THEMIS: variants seen among roughly 807,000 people sequenced by gnomAD.
THEMIS encodes the protein thymocyte selection associated.
In THEMIS, 37 loss-of-function variants were observed where a neutral mutation model predicts 52.6. That is an observed-to-expected ratio of 0.70 (90% CI 0.54 to 0.93). The LOEUF (loss-of-function observed/expected upper bound fraction) is 0.93, where lower values mean the gene tolerates loss of function less well. THEMIS is among the 40% of genes least tolerant of loss of function. THEMIS has a pLI of 0.00. For missense variants in THEMIS, 808 were observed against 763.1 expected, an observed-to-expected ratio of 1.06 and a Z score of -0.69; for synonymous variants, 292 against 272.7, an observed-to-expected ratio of 1.07 and a Z score of -0.70.
intron 4 of THEMIS, among the ~76,000 whole-genome samples, chr6:127,769,297 C>T (rs1296883200): frequency 3.3e-5 from 5 of 150,786 alleles, no homozygotes; most frequent in Admixed American, 3.3e-4. Flanking sequence ...TTGCATTAAA[C>T]TTCTAAGATT....
chr6:127,869,528 C>T (rs961330386), intron 1 of THEMIS, among the ~76,000 whole-genome samples: 15 of 152,166 alleles, frequency 9.9e-5, no homozygotes, highest in Admixed American at 5.9e-4. Flanking sequence ...TTTGCACCAT[C>T]GTAAATCAAA....
rs757984365 is a variant in THEMIS at position 127,813,189 on chromosome 6, GTCCT to G, written c.1448_1451del (p.Glu483AlafsTer9). Reference sequence around the variant, plus strand: ...TTATGAGTAGGTAAGAGTCTGTAATGTCCTCCTCCAACTGCAGTCCTGGTGTGGC... The same window carrying G: ...TTATGAGTAGGTAAGAGTCTGTAATGCCTCCAACTGCAGTCCTGGTGTGGC... On this transcript the variant is annotated frameshift_variant, in exon 4 of 6. Transcript: ENST00000368248. LOFTEE classifies it high-confidence loss of function. 2.0e-5 allele frequency: 32 copies of G among 1,613,952 alleles called. No individual in the cohort carries two copies. Among genetic ancestry groups the G allele is most frequent in the Non-Finnish European group, 2.6e-5 (31 of 1,180,024 alleles).
chr6:127,824,262 G>A (rs1030903305), intron 3 of THEMIS, among the ~76,000 whole-genome samples: 1 of 152,068 alleles, frequency 6.6e-6, no homozygotes, highest in Admixed American at 6.6e-5. Context: ...GAAAGTGAAG[G>A]AGTTAATTAT....
chr6:127,825,476 A>C (rs956212833), intron 3 of THEMIS, among the ~76,000 whole-genome samples: 7 of 152,172 alleles, frequency 4.6e-5, no homozygotes, highest in African/African-American at 1.7e-4. Flanking sequence ...CCAAACTATC[A>C]ATCTTATATG....
intron 4 of THEMIS, among the ~76,000 whole-genome samples, chr6:127,721,474 G>A (rs1774360193): frequency 6.6e-6 from 1 of 151,992 alleles, no homozygotes; most frequent in Non-Finnish European, 1.5e-5. Flanking sequence ...TGCTTATGCA[G>A]ATAATTAAAA....
At chr6:127,717,099 A>G (rs557238035) in intron 5 of THEMIS, among the ~76,000 whole-genome samples, 1 of 152,048 alleles carries the variant, frequency 6.6e-6, no homozygotes, top group South Asian at 2.1e-4. Context: ...TTTCCTTAGC[A>G]ATCAATTCAT....
At chr6:127,827,240 C>A (rs189042649) in intron 3 of THEMIS, among the ~76,000 whole-genome samples, 1 of 152,222 alleles carries the variant, frequency 6.6e-6, no homozygotes, top group East Asian at 1.9e-4. Flanking sequence ...ATTTTATATG[C>A]AGGGCAAAAA....
intron 2 of THEMIS, among the ~76,000 whole-genome samples, chr6:127,849,762 G>A (rs1779355613): frequency 6.6e-6 from 1 of 151,908 alleles, no homozygotes; most frequent in Non-Finnish European, 1.5e-5. Flanking sequence ...GTCAAAGGTT[G>A]ATATATAAGA....
At position 127,719,718 on chromosome 6, in the gene THEMIS, T is replaced by C. The variant is rs1402704790; in HGVS notation, c.1864A>G (p.Arg622Gly). The C allele has an allele frequency of 6.8e-6, 11 of 1,611,838 alleles. No homozygotes were observed. The highest frequency in any genetic ancestry group is 9.3e-6 in the Non-Finnish European group (11 of 1,178,670). ...QNDLVDEEKERSNRGATAIAE... is the reference protein window; with the variant it reads ...QNDLVDEEKEGSNRGATAIAE... ...ATTGCTGTGGCCCCACGGTTGCTCC[T>C]TTCTTTCTCTTCATCCACCAAATCA... The change falls in exon 5 of 6, where the codon AGG becomes GGG. Residue 622 changes from arginine (R) to glycine (G), a missense_variant. By Grantham distance (125) the Arg-to-Gly change is moderately radical. Transcript: ENST00000368248.
chr6:127,781,882 A>G (rs943321064), intron 4 of THEMIS, among the ~76,000 whole-genome samples: 1 of 152,100 alleles, frequency 6.6e-6, no homozygotes, highest in Admixed American at 6.5e-5. Flanking sequence ...TCAGGTATCC[A>G]CTTGAGGAGG....
intron 4 of THEMIS, among the ~76,000 whole-genome samples, chr6:127,727,479 T>G (rs1372722538): frequency 6.6e-6 from 1 of 152,154 alleles, no homozygotes; most frequent in Non-Finnish European, 1.5e-5. Context: ...ATGGGAACTG[T>G]GGTGTACTTT....
upstream of THEMIS, among the ~76,000 whole-genome samples, chr6:127,904,161 A>G (rs1781212564): frequency 6.6e-6 from 1 of 152,182 alleles, no homozygotes; most frequent in African/African-American, 2.4e-5. Flanking sequence ...GGACTTTGGG[A>G]AGTAGCAATT....
At chr6:127,784,982 TCTATCTATCTATCTATCTATCTATTATC>T (rs1322237832) in intron 4 of THEMIS, among the ~76,000 whole-genome samples, 8 of 134,496 alleles carry the variant, frequency 5.9e-5, no homozygotes, top group African/African-American at 2.4e-4. Flanking sequence ...TATCTATCTA[TCTATCTATCTATCTATCTATCTATTATC>T]TATCTATCTA....
chr6:127,890,626 G>A (rs536733878), intron 1 of THEMIS, among the ~76,000 whole-genome samples: 1 of 152,108 alleles, frequency 6.6e-6, no homozygotes, highest in South Asian at 2.1e-4. Context: ...CAATGTTTGA[G>A]GTGAACAGTA....
At chr6:127,774,975 A>G (rs1233883432) in intron 4 of THEMIS, among the ~76,000 whole-genome samples, 1 of 152,156 alleles carries the variant, frequency 6.6e-6, no homozygotes, top group Non-Finnish European at 1.5e-5. Context: ...ACCACAATAC[A>G]TACCTCCACT....
intron 4 of THEMIS, among the ~76,000 whole-genome samples, chr6:127,742,630 C>A (rs1383619159): frequency 1.3e-5 from 2 of 152,050 alleles, no homozygotes; most frequent in African/African-American, 2.4e-5. Flanking sequence ...CATGAATGAA[C>A]CCTAAAGACA....
chr6:127,870,510 A>G (rs2114380498), intron 1 of THEMIS, among the ~76,000 whole-genome samples: 1 of 152,350 alleles, frequency 6.6e-6, no homozygotes, highest in Non-Finnish European at 1.5e-5. Flanking sequence ...CAATAGTTAC[A>G]TTAAACGTAC....
intron 4 of THEMIS, among the ~76,000 whole-genome samples, chr6:127,799,010 A>G (rs191590015): frequency 5.2e-4 from 78 of 149,910 alleles, no homozygotes; most frequent in African/African-American, 1.7e-3. Flanking sequence ...AAAAAAAAAG[A>G]AAGAAAAAAG....
intron 4 of THEMIS, among the ~76,000 whole-genome samples, chr6:127,788,199 C>T (rs796839256): frequency 9.2e-5 from 14 of 152,280 alleles, no homozygotes; most frequent in African/African-American, 3.4e-4. Context: ...AAGCAACCTA[C>T]TATCTCTATC....
Sources: allele counts gnomAD v4.1 joint callset (sites outside exome capture counted in the v4.1 genomes callset), GRCh38; gene constraint gnomAD v4.1.1; transcripts MANE v1.5; gene names NCBI Gene and HGNC (gene_info 2026-07-23, HGNC 2026-07-21).